The following CARS2 variants were observed in gnomAD, a reference collection of about 807,000 sequenced individuals.
CARS2 encodes cysteinyl-tRNA synthetase 2, mitochondrial.
In CARS2, 52 loss-of-function variants were observed where a neutral mutation model predicts 68.8. The ratio of observed to expected loss-of-function variants is 0.76; its 90% CI spans 0.61 to 0.95. CARS2 has a LOEUF of 0.95. Among genes scored for constraint, CARS2 ranks in the 40% least tolerant of loss-of-function variants. The pLI is 0.00. For missense variants in CARS2, 780 were observed against 754.2 expected, an observed-to-expected ratio of 1.03 and a Z score of -0.40; for synonymous variants, 314 against 303.6, an observed-to-expected ratio of 1.03 and a Z score of -0.36.
chr13:110,693,109 CAAAAAAAAAAAA>C (rs776745304), intron 3 of CARS2, among the ~76,000 whole-genome samples: 3 of 59,434 alleles, frequency 5.0e-5, no homozygotes, highest in Non-Finnish European at 8.6e-5. Context: ...GACTCTGTCT[CAAAAAAAAAAAA>C]AAAAAAAAAA....
chr13:110,657,887 C>T (rs2062410298), intron 9 of CARS2, among the ~76,000 whole-genome samples: 1 of 152,206 alleles, frequency 6.6e-6, no homozygotes. Flanking sequence ...GACAACCTGA[C>T]CTTGCAGCCC....
upstream of CARS2, chr13:110,707,708 G>C (rs913478675): frequency 6.6e-6 from 1 of 151,676 alleles, no homozygotes; most frequent in South Asian, 2.1e-4. Flanking sequence ...AAAAGAAAAA[G>C]TCCCCTTTGC....
At chr13:110,702,766 G>A (rs768890964) in intron 2 of CARS2, among the ~76,000 whole-genome samples, 2 of 152,052 alleles carry the variant, frequency 1.3e-5, no homozygotes, top group African/African-American at 2.4e-5. Context: ...ACACAAACAC[G>A]CACACACACG....
intron 9 of CARS2, among the ~76,000 whole-genome samples, chr13:110,651,681 C>G (rs938796617): frequency 6.6e-6 from 1 of 152,240 alleles, no homozygotes; most frequent in Non-Finnish European, 1.5e-5. Context: ...CTGGTTAAAC[C>G]TAAGTAAAAC....
At position 110,705,890 on chromosome 13, in the gene CARS2, C is replaced by A. The variant is rs1178949576; in HGVS notation, c.204G>T (p.Ala68=). 2.5e-6 allele frequency: 4 copies of A among 1,568,820 alleles called. No homozygotes were observed. The highest frequency in any genetic ancestry group is 3.4e-6 in the Non-Finnish European group (4 of 1,159,466). The change falls in exon 1 of 15, where the codon GCG becomes GCT. Residue 68 remains alanine (A), a synonymous_variant. Transcript: ENST00000257347. This position sits in a 1 kb window ranked among gnomAD's most constrained non-coding sequence, Gnocchi z 4.0. The stretch of plus-strand genomic sequence containing the variant: ...CCCACCAGGAGGCGGCTTCGGCGTG[C>A]GCCACGATTAGGGGTTCCTTCCTCC... ...LTGRKEPLIV[A]HAEAASWYSC...
At chr13:110,703,146 T>C (rs1375381712) in intron 2 of CARS2, among the ~76,000 whole-genome samples, 3 of 152,194 alleles carry the variant, frequency 2.0e-5, no homozygotes, top group Non-Finnish European at 4.4e-5. Flanking sequence ...CTCTGACCTC[T>C]TCTGGAAATG....
intron 3 of CARS2, among the ~76,000 whole-genome samples, chr13:110,693,302 A>G (rs908817452): frequency 5.3e-5 from 8 of 151,978 alleles, no homozygotes; most frequent in African/African-American, 1.9e-4. Flanking sequence ...CAAATGCTAC[A>G]ATGACAAGGA....
chr13:110,660,888 A>G (rs1156554978), intron 9 of CARS2, among the ~76,000 whole-genome samples: 1 of 150,952 alleles, frequency 6.6e-6, no homozygotes, highest in Non-Finnish European at 1.5e-5. Flanking sequence ...CAGCCTCCCA[A>G]GTAGCTGAGA....
rs1888252603 is a variant in CARS2 at position 110,647,198 on chromosome 13, G to A, written c.1096C>T (p.Leu366=). ...SDSAMLQAQQ[L]LLGLGSFLED... ...AGGAAAGAGCCCAGCCCCAGGAGCAGCTGCTGAGCTTGGAGCATGGCGCTG... is the reference window on the plus strand; with the variant it reads ...AGGAAAGAGCCCAGCCCCAGGAGCAACTGCTGAGCTTGGAGCATGGCGCTG... Residue 366 remains leucine, a synonymous_variant, in exon 11 of 15, where the codon CTG becomes TTG. Coordinates refer to ENST00000257347, the MANE Select transcript of CARS2 (RefSeq NM_024537.4). 1.2e-6 allele frequency: 2 copies of A among 1,613,252 alleles called. No homozygotes were observed. The highest frequency in any genetic ancestry group is 1.7e-6 in the Non-Finnish European group (2 of 1,179,916).
chr13:110,651,837 C>T lies in CARS2; in HGVS notation c.988-737G>A, dbSNP rs552325471. Among the ~76,000 whole-genome samples the T allele has an allele frequency of 5.9e-5, 9 of 152,310 alleles. 1 individual carries two copies. The South Asian group carries it at 1.9e-3, about 32-fold the overall frequency. On this transcript the variant is annotated intron_variant, in intron 9 of 14. Coordinates refer to ENST00000257347, the MANE Select transcript of CARS2 (RefSeq NM_024537.4). ...GCCCTCAGCAAAACCTCCTGTGGGG[C>T]GCTCAGGGTTCAGCTCTGGCAGCTA...
intron 7 of CARS2, among the ~76,000 whole-genome samples, chr13:110,675,847 C>T (rs1171597980): frequency 6.6e-6 from 1 of 152,210 alleles, no homozygotes; most frequent in African/African-American, 2.4e-5. Context: ...CCACACAAAC[C>T]AGCACCACGG....
At chr13:110,692,964 GC>G (rs1171322490) in intron 3 of CARS2, among the ~76,000 whole-genome samples, 1 of 151,706 alleles carries the variant, frequency 6.6e-6, no homozygotes, top group African/African-American at 2.4e-5. Flanking sequence ...ACAAAAATTA[GC>G]TGGGTGTGGT....
At chr13:110,662,390 G>C (rs1293666027) in intron 9 of CARS2, among the ~76,000 whole-genome samples, 1 of 147,552 alleles carries the variant, frequency 6.8e-6, no homozygotes, top group Non-Finnish European at 1.5e-5. Flanking sequence ...CAACCCCGTG[G>C]CTGGGTTTGG....
chr13:110,713,279 C>G, exon 1 of CARS2: 1 of 1,277,580 alleles, frequency 7.8e-7, no homozygotes, highest in East Asian at 3.2e-5. Context: ...GGCTGAGGAG[C>G]GAGTTGCGGT....
chr13:110,700,153 A>G (rs373001986), intron 3 of CARS2, among the ~76,000 whole-genome samples: 3 of 152,336 alleles, frequency 2.0e-5, no homozygotes, highest in African/African-American at 4.8e-5. Context: ...GACACATCCA[A>G]TGAACCTGAG....
chr13:110,686,371 T>C (rs1195679138), intron 5 of CARS2, among the ~76,000 whole-genome samples: 1 of 151,614 alleles, frequency 6.6e-6, no homozygotes, highest in Non-Finnish European at 1.5e-5. Context: ...GCCTCCTGAG[T>C]AGCTGAGACT....
chr13:110,696,605 T>A (rs2063631295), intron 3 of CARS2, among the ~76,000 whole-genome samples: 1 of 152,208 alleles, frequency 6.6e-6, no homozygotes, highest in Non-Finnish European at 1.5e-5. Context: ...TCAGACATTA[T>A]TTTGAGGAAA....
intron 3 of CARS2, among the ~76,000 whole-genome samples, chr13:110,691,585 G>C (rs142338570): frequency 6.6e-6 from 1 of 152,006 alleles, no homozygotes; most frequent in African/African-American, 2.4e-5. Flanking sequence ...CGGCTATGAC[G>C]CCTCTATCTA....
intron 8 of CARS2, chr13:110,664,088 G>C (rs2062582131): frequency 1.3e-6 from 1 of 786,796 alleles, no homozygotes; most frequent in Admixed American, 7.2e-5. Context: ...ACTCATTTAA[G>C]GAACTCCTGA....
Sources: allele counts gnomAD v4.1 joint callset (sites outside exome capture counted in the v4.1 genomes callset), GRCh38; gene constraint gnomAD v4.1.1; non-coding constraint Gnocchi (gnomAD v3.1); transcripts MANE v1.5; gene names NCBI Gene and HGNC (gene_info 2026-07-23, HGNC 2026-07-21).